The following NRG4 variants were observed in gnomAD, a reference collection of about 807,000 sequenced individuals.
NRG4 encodes the protein neuregulin 4.
A neutral mutation model predicts 15.0 loss-of-function variants in NRG4; 10 were observed. The ratio of observed to expected loss-of-function variants is 0.67; its 90% CI spans 0.41 to 1.13. The LOEUF is 1.13. Among genes scored for constraint, NRG4 ranks in the 50% most tolerant of loss-of-function variants. The pLI is 0.00. For missense variants in NRG4, 139 were observed against 140.2 expected (o/e 0.99, Z 0.04); for synonymous variants, 41 against 50.1 (o/e 0.82, Z 0.77).
Position 76,044,820 on chromosome 15 carries a change from G to A in NRG4, c.-105+7247C>T, listed in dbSNP as rs1243300524. ...CATACCACTGCACTCCAACCTGGGC[G>A]ACAGAGCGAGACTCTGTCTCAAAAA... On this transcript the variant is annotated intron_variant, in intron 4 of 8. Coordinates refer to the NRG4 transcript ENST00000563910. 2.1e-5 allele frequency among the ~76,000 whole-genome samples: 3 copies of A among 142,194 alleles called. 1 individual carries two copies. The highest frequency in any genetic ancestry group is 4.5e-5 in the Non-Finnish European group (3 of 66,426). The allele number at this position is 142,194 out of a possible 152,430, so 93.3% of individuals were successfully genotyped here.
intron 3 of NRG4, among the ~76,000 whole-genome samples, chr15:75,981,092 G>T (rs1386123764): frequency 6.6e-6 from 1 of 152,156 alleles, no homozygotes; most frequent in Non-Finnish European, 1.5e-5. Flanking sequence ...GAGTGCTGGG[G>T]TCTATTTCCC....
chr15:76,043,030 C>G (rs2035783395), intron 4 of NRG4, among the ~76,000 whole-genome samples: 1 of 151,926 alleles, frequency 6.6e-6, no homozygotes. Flanking sequence ...TACATCATAT[C>G]AAAAGAATGA....
intron 4 of NRG4, among the ~76,000 whole-genome samples, chr15:75,958,398 A>G (rs552490350): frequency 1.3e-5 from 2 of 152,310 alleles, no homozygotes; most frequent in African/African-American, 4.8e-5. Context: ...ATTTCTGAAT[A>G]TCTTACCCTA....
chr15:76,014,955 A>G (rs557901565), upstream of NRG4, among the ~76,000 whole-genome samples: 185 of 152,276 alleles, frequency 1.2e-3, 1 homozygote, highest in African/African-American at 4.2e-3. Context: ...TTTTCAAGAT[A>G]TTGATTCTTC....
intron 5 of NRG4, among the ~76,000 whole-genome samples, chr15:76,028,453 C>A (rs1028263026): frequency 2.0e-4 from 30 of 152,036 alleles, no homozygotes; most frequent in Admixed American, 1.4e-3. Flanking sequence ...AATGGAAAAC[C>A]TAAACAGACC....
chr15:76,031,955 T>G (rs1291890592), intron 5 of NRG4, among the ~76,000 whole-genome samples: 1 of 152,190 alleles, frequency 6.6e-6, no homozygotes, highest in Non-Finnish European at 1.5e-5. Flanking sequence ...AATGAGCATA[T>G]GTATGGCATA....
intron 5 of NRG4, among the ~76,000 whole-genome samples, chr15:76,025,831 C>T (rs146991630): frequency 4.6e-5 from 7 of 151,914 alleles, no homozygotes; most frequent in East Asian, 1.9e-4. Context: ...AAGCCAAAAT[C>T]GCATCACTGC....
intron 3 of NRG4, among the ~76,000 whole-genome samples, chr15:75,963,737 C>T (rs2032648050): frequency 6.8e-6 from 1 of 146,892 alleles, no homozygotes; most frequent in African/African-American, 2.5e-5. Context: ...GAGATCGTGC[C>T]ACTGCACATC....
At chr15:76,048,625 T>C (rs767613709) in intron 4 of NRG4, among the ~76,000 whole-genome samples, 17 of 150,762 alleles carry the variant, frequency 1.1e-4, no homozygotes, top group Admixed American at 8.6e-4. Context: ...TGTATAGAAA[T>C]GTAAAGGAGA....
At chr15:75,950,406 T>C (rs570970630) in intron 5 of NRG4, 2 of 212,428 alleles carry the variant, frequency 9.4e-6, no homozygotes, top group East Asian at 2.2e-4. Context: ...CAAAACCCTC[T>C]GAGCATAGCC....
intron 3 of NRG4, chr15:75,969,004 T>C (rs1301828726): frequency 4.7e-6 from 1 of 212,026 alleles, no homozygotes; most frequent in African/African-American, 2.3e-5. Flanking sequence ...TGTCCATGTT[T>C]TGGTAAAACT....
At chr15:75,998,443 T>C (rs780254842) in intron 3 of NRG4, among the ~76,000 whole-genome samples, 1 of 152,086 alleles carries the variant, frequency 6.6e-6, no homozygotes, top group Non-Finnish European at 1.5e-5. Flanking sequence ...GGAGAAAGCA[T>C]TCAACACAGG....
intron 3 of NRG4, among the ~76,000 whole-genome samples, chr15:76,001,967 C>G (rs1177735971): frequency 6.6e-6 from 1 of 152,126 alleles, no homozygotes; most frequent in South Asian, 2.1e-4. Context: ...AAGTGCGTAA[C>G]TTTCAGAGTG....
intron 4 of NRG4, among the ~76,000 whole-genome samples, chr15:75,960,382 A>G (rs1489355413): frequency 2.0e-5 from 3 of 152,076 alleles, no homozygotes; most frequent in Admixed American, 6.6e-5. Context: ...ATAACATACC[A>G]CCCCAAACTT....
rs571016407 is a variant in NRG4 at position 76,054,050 on chromosome 15, T to C, written c.-261-1067A>G. Reference sequence around the variant, plus strand: ...TGAATACCATTCACGTGGTGATCATTTGGGCCCATTAATATACTTAGAACA... The same window carrying C: ...TGAATACCATTCACGTGGTGATCATCTGGGCCCATTAATATACTTAGAACA... On this transcript the variant is annotated intron_variant, in intron 2 of 8. Transcript: ENST00000563910. Among the ~76,000 whole-genome samples, 11 of 150,834 alleles carry C rather than the reference T, an allele frequency of 7.3e-5. No homozygotes were observed. The South Asian group carries it at 2.3e-3, about 31-fold the overall frequency.
intron 5 of NRG4, among the ~76,000 whole-genome samples, chr15:76,032,816 T>C (rs1460220556): frequency 6.6e-6 from 1 of 152,158 alleles, no homozygotes; most frequent in East Asian, 1.9e-4. Flanking sequence ...AACAAAAACA[T>C]TTAAAAGGAC....
intron 5 of NRG4, among the ~76,000 whole-genome samples, chr15:75,953,645 T>C (rs2032043489): frequency 1.3e-5 from 2 of 152,232 alleles, no homozygotes; most frequent in Admixed American, 1.3e-4. Context: ...CTGTCTGTAA[T>C]GTGTCTTTTT....
chr15:76,048,958 T>C (rs2035935727), intron 4 of NRG4, among the ~76,000 whole-genome samples: 1 of 150,300 alleles, frequency 6.7e-6, no homozygotes, highest in Admixed American at 6.6e-5. Context: ...GGCAGGAGAA[T>C]GGCTTGAACT....
rs142812746 is a variant in NRG4 at position 75,941,960 on chromosome 15, A to AAAAAAACC, written c.*1677_*1678insGGTTTTTT. 2.1e-5 allele frequency: 2 copies of AAAAAAACC among 93,766 alleles called. No homozygotes were observed. The highest frequency in any genetic ancestry group is 7.8e-5 in the African/African-American group (2 of 25,782). The allele number at this position is 93,766 out of a possible 1,614,324, so 5.8% of individuals were successfully genotyped here. On this transcript the variant is annotated 3_prime_UTR_variant, in exon 6 of 6. Coordinates refer to ENST00000394907, the MANE Select transcript of NRG4 (RefSeq NM_138573.4). Reference sequence around the variant, plus strand: ...ACCACCAAAAAAAAAAAAAAAAAAAAATATGGCCTAGCTTTTTTTTTTTTT... The same window carrying AAAAAAACC: ...ACCACCAAAAAAAAAAAAAAAAAAAAAAAAAACCATATGGCCTAGCTTTTTTTTTTTTT...
Sources: gnomAD v4.1 joint callset for allele counts (sites outside exome capture counted in the v4.1 genomes callset) on GRCh38, gnomAD v4.1.1 for gene constraint, MANE v1.5 for transcripts, NCBI Gene and HGNC (gene_info 2026-07-23, HGNC 2026-07-21) for gene names.